Variants in HPS5 observed in about 807,000 individuals in gnomAD.
HPS5 encodes the protein HPS5 biogenesis of lysosomal organelles complex 2 subunit 2.
In HPS5, 83 loss-of-function variants were observed where a neutral mutation model predicts 128.0. The observed-to-expected ratio is 0.65, with a 90% confidence interval of 0.54 to 0.78. The LOEUF (loss-of-function observed/expected upper bound fraction) is 0.78, where lower values mean the gene tolerates loss of function less well. Among genes scored for constraint, HPS5 ranks in the 30% least tolerant of loss-of-function variants. The pLI is 0.00. For synonymous variants in HPS5, 475 were observed against 470.2 expected (o/e 1.01, Z -0.13); for missense variants, 1,281 against 1,326.2 (o/e 0.97, Z 0.53).
rs1259658121 is a variant in HPS5 at position 18,302,822 on chromosome 11, C to G, written c.897-1906G>C. On this transcript the variant is annotated intron_variant, in intron 8 of 22. Transcript: ENST00000349215. ...TTCAAGAGTCAAAGGAGAAAAAAAG[C>G]GGGGGGGGGGGGGGTGTCAGAGGAT... is the stretch of plus-strand genomic sequence containing the variant. Among the ~76,000 whole-genome samples the G allele has an allele frequency of 8.7e-3, 14 of 1,604 alleles. 1 individual carries two copies. The highest frequency in any genetic ancestry group is 0.12 in the Middle Eastern group (1 of 8). 1.1% of individuals were successfully genotyped at this position (1,604 alleles called of 152,430 possible). A position where few individuals can be genotyped will look rare whatever the true frequency, so the allele number is the denominator to read the frequency against.
chr11:18,292,843 C>T, intron 15 of HPS5, 56 bp downstream of exon 15: 1 of 1,269,856 alleles, frequency 7.9e-7, no homozygotes, highest in Non-Finnish European at 1.2e-6. Flanking sequence ...TAATGATTCA[C>T]TTCGTTTACT....
intron 1 of HPS5, among the ~76,000 whole-genome samples, chr11:18,320,557 A>C (rs1864202214): frequency 6.6e-6 from 1 of 152,220 alleles, no homozygotes; most frequent in Non-Finnish European, 1.5e-5. Context: ...CTACAGCTGA[A>C]GGGAACAAGC....
In HPS5 at chr11:18,296,939, T is replaced by C; in HGVS notation, c.1369A>G (p.Ser457Gly). 1.2e-6 allele frequency: 2 copies of C among 1,608,704 alleles called. No individual in the cohort carries two copies. Among genetic ancestry groups the C allele is most frequent in the Non-Finnish European group, 1.7e-6 (2 of 1,175,590 alleles). Reference protein sequence around the residue: ...LDSGIYRIISSRRGSQSDEDS... With the variant: ...LDSGIYRIISGRRGSQSDEDS... ...TCATCTGACTGACTGCCTCTTCTACTACTAATGATACGATAAATACCAGAG... is the reference window on the plus strand; with the variant it reads ...TCATCTGACTGACTGCCTCTTCTACCACTAATGATACGATAAATACCAGAG... Residue 457 changes from serine (S) to glycine (G), a missense_variant, in exon 12 of 23, where the codon AGT becomes GGT. Physicochemically the swap from Ser to Gly is moderately conservative, Grantham distance 56. Coordinates refer to ENST00000349215, the MANE Select transcript of HPS5 (RefSeq NM_181507.2).
chr11:18,297,476 T>C (rs1244367232), intron 11 of HPS5, 83 bp downstream of exon 11: 3 of 1,307,178 alleles, frequency 2.3e-6, no homozygotes, highest in Admixed American at 1.8e-5. Flanking sequence ...GACAACAAAT[T>C]TGGGGATCCT....
chr11:18,282,864 G>C (rs1018038622), intron 21 of HPS5, among the ~76,000 whole-genome samples: 1 of 152,182 alleles, frequency 6.6e-6, no homozygotes, highest in Non-Finnish European at 1.5e-5. Flanking sequence ...GACAAGCTTA[G>C]AGGACATATG....
intron 1 of HPS5, among the ~76,000 whole-genome samples, chr11:18,319,226 A>G (rs1342092139): frequency 4.0e-5 from 6 of 150,792 alleles, no homozygotes; most frequent in African/African-American, 1.5e-4. Context: ...GAAGTCAGTC[A>G]GTTTATAATA....
chr11:18,318,608 C>T (rs1191323190), intron 1 of HPS5, among the ~76,000 whole-genome samples: 1 of 152,090 alleles, frequency 6.6e-6, no homozygotes, highest in Non-Finnish European at 1.5e-5. Flanking sequence ...ATGTGTTCAC[C>T]TACTCTCAAA....
chr11:18,291,350 T>C (rs1235283145), intron 16 of HPS5, 92 bp downstream of exon 16: 2 of 791,842 alleles, frequency 2.5e-6, no homozygotes, highest in Non-Finnish European at 4.3e-6. Context: ...TGTGATTTTC[T>C]ACTTAAATCT....
rs537363272 is a variant in HPS5, at chr11:18,300,855, G to C, written c.958C>G (p.Gln320Glu). 3.0e-4 allele frequency: 473 copies of C among 1,588,972 alleles called. 7 individuals are homozygous for C. The South Asian group carries it at 4.9e-3, about 17-fold the overall frequency. Reference sequence around the variant, plus strand: ...TTGACTTCACTCCAAAGAAGAACTTGAACATTCTGAGGAATGAAAATATAA... The same window carrying C: ...TTGACTTCACTCCAAAGAAGAACTTCAACATTCTGAGGAATGAAAATATAA... ...GIYIFIPQNV[Q>E]VLLWSEVKDI... Residue 320 changes from glutamine (Q) to glutamate (E), a missense_variant, in exon 9 of 23, where the codon CAA becomes GAA. Gln to Glu is a conservative substitution (Grantham distance 29, BLOSUM62 2). Transcript: ENST00000349215.
intron 6 of HPS5, among the ~76,000 whole-genome samples, chr11:18,308,081 A>T (rs1862571116): frequency 6.6e-6 from 1 of 152,110 alleles, no homozygotes; most frequent in Non-Finnish European, 1.5e-5. Flanking sequence ...GCCAGTGAAA[A>T]TTTCCTTGCA....
rs892829138 is a variant in HPS5 at position 18,321,984 on chromosome 11, TGA to T, written c.-90_-89del. The T allele has an allele frequency of 2.0e-5, 3 of 152,498 alleles. No individual in the cohort carries two copies. The highest frequency in any genetic ancestry group is 7.2e-5 in the African/African-American group (3 of 41,446). 9.4% of individuals were successfully genotyped at this position (152,498 alleles called of 1,614,324 possible). On this transcript the variant is annotated 5_prime_UTR_variant, in exon 1 of 23. An upstream open reading frame in the 5' UTR loses its in-frame stop. Coordinates refer to ENST00000349215, the MANE Select transcript of HPS5 (RefSeq NM_181507.2). ...GTAACTTTAATATCTTGAGATTTCT[TGA>T]GAGGAGACCCAGTAACCAATTTTCA...
chr11:18,316,779 T>C (rs1036257005), intron 2 of HPS5, among the ~76,000 whole-genome samples: 4 of 152,222 alleles, frequency 2.6e-5, no homozygotes, highest in Admixed American at 6.5e-5. Flanking sequence ...GAATTCTCAT[T>C]GGCTTACAGC....
chr11:18,318,837 A>G (rs1200090198), intron 1 of HPS5, among the ~76,000 whole-genome samples: 1 of 152,154 alleles, frequency 6.6e-6, no homozygotes, highest in Non-Finnish European at 1.5e-5. Context: ...TCACTCATTT[A>G]TTCAACAAAT....
chr11:18,285,776 T>C (rs558564132), intron 19 of HPS5, among the ~76,000 whole-genome samples: 1 of 152,348 alleles, frequency 6.6e-6, no homozygotes, highest in Non-Finnish European at 1.5e-5. Context: ...GACAGGCATT[T>C]GGGGGTCTTT....
chr11:18,290,760 A>T (rs1423477510), intron 16 of HPS5, among the ~76,000 whole-genome samples: 7 of 151,312 alleles, frequency 4.6e-5, no homozygotes, highest in Non-Finnish European at 3.0e-5. Context: ...CCATCTCTAT[A>T]AAAAAATGAA....
At chr11:18,305,288 C>A in intron 8 of HPS5, 134 bp downstream of exon 8, 1 of 661,780 alleles carries the variant, frequency 1.5e-6, no homozygotes, top group Non-Finnish European at 2.7e-6. Context: ...CTTCATGTAA[C>A]ATAATTATTT....
chr11:18,311,495 C>CGTT lies in HPS5; in HGVS notation c.220-45_220-44insAAC, dbSNP rs776037370. 3.3e-5 allele frequency: 21 copies of CGTT among 644,996 alleles called. No homozygotes were observed. The East Asian group carries it at 7.0e-4, about 22-fold the overall frequency. 40.0% of individuals were successfully genotyped at this position (644,996 alleles called of 1,614,324 possible). ...TACATTTTTTAAATCTCAAGTTTTA[C>CGTT]ATTATTATTATTATTATTTTTTTTT... On this transcript the variant is annotated intron_variant, in intron 3 of 22. Transcript: ENST00000349215.
intron 22 of HPS5, among the ~76,000 whole-genome samples, chr11:18,281,546 C>T (rs1303327914): frequency 6.7e-6 from 1 of 149,626 alleles, no homozygotes; most frequent in Non-Finnish European, 1.5e-5. Flanking sequence ...ACTACAGGCA[C>T]GTGCCACCAC....
At chr11:18,301,486 G>C (rs890311291) in intron 8 of HPS5, among the ~76,000 whole-genome samples, 4 of 138,716 alleles carry the variant, frequency 2.9e-5, no homozygotes, top group African/African-American at 1.1e-4. Flanking sequence ...AAGAAAGAAA[G>C]AAAAGGCTGG....
Sources: gnomAD v4.1 joint callset for allele counts (sites outside exome capture counted in the v4.1 genomes callset) on GRCh38, gnomAD v4.1.1 for gene constraint, MANE v1.5 for transcripts, NCBI Gene and HGNC (gene_info 2026-07-23, HGNC 2026-07-21) for gene names.